SLAIN1: variants seen among roughly 807,000 people sequenced by gnomAD.
SLAIN1 encodes the protein SLAIN motif-containing protein 1.
In SLAIN1, 17 loss-of-function variants were observed where a neutral mutation model predicts 55.4. The ratio of observed to expected loss-of-function variants is 0.31; its 90% CI spans 0.21 to 0.46. The LOEUF (loss-of-function observed/expected upper bound fraction) is 0.46, where lower values mean the gene tolerates loss of function less well. Among genes scored for constraint, SLAIN1 ranks in the 20% least tolerant of loss-of-function variants. The pLI, the probability that SLAIN1 is intolerant of heterozygous loss-of-function variation, is 1.00. For missense variants in SLAIN1, 682 were observed against 785.1 expected (o/e 0.87, Z 1.57); for synonymous variants, 348 against 337.4 (o/e 1.03, Z -0.35).
intron 2 of SLAIN1, among the ~76,000 whole-genome samples, chr13:77,735,837 C>T (rs1002834693): frequency 6.6e-6 from 1 of 151,996 alleles, no homozygotes; most frequent in African/African-American, 2.4e-5. Flanking sequence ...CAGACCCCAT[C>T]TAACTCTTCT....
intron 2 of SLAIN1, among the ~76,000 whole-genome samples, chr13:77,726,153 C>A (rs1161221926): frequency 6.6e-6 from 1 of 152,016 alleles, no homozygotes; most frequent in Non-Finnish European, 1.5e-5. Flanking sequence ...GAATTCTGCC[C>A]TTCTGCAGAA....
intron 1 of SLAIN1, among the ~76,000 whole-genome samples, chr13:77,713,854 G>A (rs540493170): frequency 7.3e-4 from 111 of 152,256 alleles, no homozygotes; most frequent in African/African-American, 2.6e-3. Flanking sequence ...AAAAAAGGAT[G>A]AGTTCATGTC....
intron 3 of SLAIN1, among the ~76,000 whole-genome samples, chr13:77,746,167 C>T (rs1019334265): frequency 1.3e-5 from 2 of 152,058 alleles, no homozygotes; most frequent in African/African-American, 4.8e-5. Flanking sequence ...GCAAACTATT[C>T]ATAATGAGAT....
chr13:77,716,718 A>G (rs1193741817), intron 1 of SLAIN1, among the ~76,000 whole-genome samples: 1 of 152,148 alleles, frequency 6.6e-6, no homozygotes, highest in Non-Finnish European at 1.5e-5. Context: ...TCCTACATCA[A>G]TCTGGTATCT....
chr13:77,721,179 CT>C (rs1306597945), intron 2 of SLAIN1, among the ~76,000 whole-genome samples: 1 of 152,078 alleles, frequency 6.6e-6, no homozygotes, highest in East Asian at 1.9e-4. Context: ...ATAGGGAGTT[CT>C]CATGAGAGCT....
chr13:77,746,589 A>G lies in SLAIN1; in HGVS notation c.992A>G (p.Lys331Arg), dbSNP rs1273545844. The change falls in exon 4 of 7, where the codon AAA becomes AGA. Residue 331 changes from lysine (K) to arginine (R), a missense_variant. Around this residue, in one of 3 missense-constraint regions of SLAIN1, gnomAD observed 37 missense variants for 72.6 expected, o/e 0.51. Transcript: ENST00000418532. ...TCCAGTGTGTCATTGAGTTCAGGAAAAAAAGGGACATGTAGTGATCAAGAA... is the reference window on the plus strand; with the variant it reads ...TCCAGTGTGTCATTGAGTTCAGGAAGAAAAGGGACATGTAGTGATCAAGAA... ...HSSSVSLSSG[K>R]KGTCSDQEYD... 1 of 1,613,508 alleles carries G rather than the reference A, an allele frequency of 6.2e-7. No individual in the cohort carries two copies. The highest frequency in any genetic ancestry group is 1.3e-5 in the African/African-American group (1 of 74,876).
At chr13:77,748,168 A>G (rs1365500531) in intron 4 of SLAIN1, among the ~76,000 whole-genome samples, 1 of 150,400 alleles carries the variant, frequency 6.6e-6, no homozygotes, top group African/African-American at 2.4e-5. Flanking sequence ...TACTGGTATC[A>G]TTCATGCTGA....
intron 2 of SLAIN1, among the ~76,000 whole-genome samples, chr13:77,723,829 C>T (rs181783851): frequency 3.9e-5 from 6 of 152,006 alleles, no homozygotes; most frequent in Admixed American, 2.0e-4. Flanking sequence ...TTTCTAGATA[C>T]TTCTGTGGGT....
At chr13:77,699,143 CT>C in intron 1 of SLAIN1, 1 of 1,349,980 alleles carries the variant, frequency 7.4e-7, no homozygotes, top group Non-Finnish European at 1.0e-6. Flanking sequence ...GACTGACTTG[CT>C]TTTTAAAATG....
intron 1 of SLAIN1, among the ~76,000 whole-genome samples, chr13:77,713,134 C>A (rs2091169970): frequency 6.6e-6 from 1 of 152,264 alleles, no homozygotes; most frequent in Admixed American, 6.5e-5. Flanking sequence ...CAATACCATT[C>A]AGGACATGGG....
At position 77,763,142 on chromosome 13, in the gene SLAIN1, T is replaced by G; in HGVS notation, c.1698-3T>G. 6.2e-7 allele frequency: 1 copy of G among 1,613,268 alleles called. No homozygotes were observed. The highest frequency in any genetic ancestry group is 8.5e-7 in the Non-Finnish European group (1 of 1,179,272). ...TCTCTCTGTTTTTCTTGTCTCTTTTTAGTTTTCTTCAGCCTCCAAAGCCTC... is the reference window on the plus strand; with the variant it reads ...TCTCTCTGTTTTTCTTGTCTCTTTTGAGTTTTCTTCAGCCTCCAAAGCCTC... On this transcript the variant is annotated splice_region_variant and splice_polypyrimidine_tract_variant and intron_variant, in intron 6 of 6. Coordinates refer to ENST00000418532, the MANE Select transcript of SLAIN1 (RefSeq NM_001242868.2).
rs79878541 is a variant in SLAIN1, at chr13:77,745,526, A to G, written c.917-988A>G. Among the ~76,000 whole-genome samples the G allele has an allele frequency of 1.6e-3, 246 of 152,230 alleles. 4 individuals are homozygous for G. In the East Asian group the frequency reaches 0.046, roughly 28 times the overall value. On this transcript the variant is annotated intron_variant, in intron 3 of 6. Transcript: ENST00000418532. ...CTGGTTCTGCGATAAAGTTACAAAA[A>G]ATTATCTGGGAGTGAACTAGTTGAA...
chr13:77,759,668 C>T (rs763848952), intron 5 of SLAIN1, among the ~76,000 whole-genome samples: 11 of 152,072 alleles, frequency 7.2e-5, no homozygotes, highest in Non-Finnish European at 1.5e-4. Flanking sequence ...TGGATTTTAT[C>T]AAATGCTTTT....
Position 77,719,128 on chromosome 13 carries a change from C to T in SLAIN1, c.627-404C>T, listed in dbSNP as rs528194880. Among the ~76,000 whole-genome samples, 20 of 152,138 alleles carry T rather than the reference C, an allele frequency of 1.3e-4. 1 individual carries two copies. The South Asian group carries it at 3.1e-3, about 24-fold the overall frequency. Reference sequence around the variant, plus strand: ...ATAAGATTTGCCTTGTTTGTCACATCATGTTTACCTTCATTAGCCCAAGTT... The same window carrying T: ...ATAAGATTTGCCTTGTTTGTCACATTATGTTTACCTTCATTAGCCCAAGTT... On this transcript the variant is annotated intron_variant, in intron 1 of 6. Coordinates refer to ENST00000418532, the MANE Select transcript of SLAIN1 (RefSeq NM_001242868.2).
intron 2 of SLAIN1, among the ~76,000 whole-genome samples, chr13:77,730,193 T>G (rs1872790306): frequency 2.0e-5 from 3 of 152,186 alleles, no homozygotes; most frequent in Admixed American, 2.0e-4. Flanking sequence ...TCAGGGCAGT[T>G]AAAGATTCTG....
intron 2 of SLAIN1, among the ~76,000 whole-genome samples, chr13:77,730,040 T>C (rs1214902308): frequency 5.9e-5 from 9 of 151,834 alleles, no homozygotes; most frequent in Non-Finnish European, 1.3e-4. Context: ...CTCAGAGACA[T>C]TGGAGAGGAA....
At chr13:77,748,057 T>C (rs1471197430) in intron 4 of SLAIN1, among the ~76,000 whole-genome samples, 2 of 152,168 alleles carry the variant, frequency 1.3e-5, no homozygotes, top group Non-Finnish European at 2.9e-5. Flanking sequence ...TGGGTCCAGA[T>C]GTGATCAAAT....
intron 2 of SLAIN1, among the ~76,000 whole-genome samples, chr13:77,735,466 T>G (rs1873074251): frequency 6.6e-6 from 1 of 152,150 alleles, no homozygotes; most frequent in South Asian, 2.1e-4. Flanking sequence ...TAATATATGT[T>G]AGCCCGGGGT....
In SLAIN1 at chr13:77,745,755, A is replaced by G. The variant is rs74481944; in HGVS notation, c.917-759A>G. Among the ~76,000 whole-genome samples, 1,411 of 152,288 alleles carry G rather than the reference A, an allele frequency of 9.3e-3. 8 individuals are homozygous for G. The highest frequency in any genetic ancestry group is 0.014 in the Non-Finnish European group (955 of 68,004). ...TTTTAAGGGGAAAAGTGGTTATTTT[A>G]TATAATTATTTAGTAAAAGCAAATT... On this transcript the variant is annotated intron_variant, in intron 3 of 6. Transcript: ENST00000418532.
Sources: gnomAD v4.1 joint callset for allele counts (sites outside exome capture counted in the v4.1 genomes callset) on GRCh38, gnomAD v4.1.1 for gene constraint, gnomAD v4.1.1 regional missense constraint, MANE v1.5 for transcripts, NCBI Gene and HGNC (gene_info 2026-07-23, HGNC 2026-07-21) for gene names.